The following AFF2 variants were observed in gnomAD, a reference collection of about 807,000 sequenced individuals.
AFF2 encodes AF4/FMR2 family member 2.
Under a neutral mutation model 76.9 loss-of-function variants are expected in AFF2, and 14 were observed. The observed-to-expected ratio is 0.18, with a 90% CI of 0.12 to 0.28. The LOEUF is 0.28. Among genes scored for constraint, AFF2 ranks in the 10% least tolerant of loss-of-function variants. The probability of loss-of-function intolerance (pLI) is 1.00; values close to 1 mark genes in which losing one functional copy is unlikely to be tolerated. For synonymous variants in AFF2, 398 were observed against 366.7 expected (o/e 1.09, Z -0.98); for missense variants, 868 against 1,001.1 (o/e 0.87, Z 1.79).
intron 1 of AFF2, among the ~76,000 whole-genome samples, chrX:148,555,413 G>C (rs144799793): frequency 4.2e-4 from 47 of 112,198 alleles, no homozygotes; most frequent in African/African-American, 1.5e-3. Context: ...GACCATTGCT[G>C]TGCATGAAGA....
chrX:148,879,306 C>T (rs1557278211), intron 7 of AFF2, among the ~76,000 whole-genome samples: 1 of 111,373 alleles, frequency 9.0e-6, no homozygotes, highest in East Asian at 2.8e-4. Flanking sequence ...GTAAATTAAG[C>T]TCAAGTTCTC....
intron 8 of AFF2, among the ~76,000 whole-genome samples, chrX:148,902,608 A>T (rs2071366036): frequency 8.9e-6 from 1 of 112,223 alleles, no homozygotes; most frequent in African/African-American, 3.2e-5. Flanking sequence ...GAGAATCTGC[A>T]GGATGAGTGA....
At chrX:148,843,794 G>A (rs1304036647) in intron 7 of AFF2, among the ~76,000 whole-genome samples, 1 of 110,951 alleles carries the variant, frequency 9.0e-6, no homozygotes, top group African/African-American at 3.3e-5. Flanking sequence ...TAGAAGGGGT[G>A]AGGGGTCTCT....
intron 1 of AFF2, among the ~76,000 whole-genome samples, chrX:148,560,759 A>G: frequency 8.9e-6 from 1 of 112,337 alleles, no homozygotes; most frequent in Admixed American, 9.4e-5. Context: ...AGCCTGAGGC[A>G]AAAGGAAAAA....
chrX:148,525,437 A>G (rs192918432), intron 1 of AFF2, among the ~76,000 whole-genome samples: 88 of 112,075 alleles, frequency 7.9e-4, no homozygotes, highest in African/African-American at 2.7e-3. Flanking sequence ...TGATAATCTC[A>G]GCCCAGTGAA....
chrX:148,639,503 G>T (rs2054066199), intron 1 of AFF2, among the ~76,000 whole-genome samples: 1 of 112,025 alleles, frequency 8.9e-6, no homozygotes, highest in Non-Finnish European at 1.9e-5. Context: ...CAAGCAATTG[G>T]TGCACACATA....
chrX:148,835,528 A>G (rs1169728525), intron 4 of AFF2, among the ~76,000 whole-genome samples: 1 of 93,089 alleles, frequency 1.1e-5, no homozygotes, highest in African/African-American at 4.5e-5. Flanking sequence ...CTCTGTCACC[A>G]GGATGGAGTG....
At chrX:148,804,137 C>G (rs1244691184) in intron 3 of AFF2, among the ~76,000 whole-genome samples, 3 of 111,720 alleles carry the variant, frequency 2.7e-5, no homozygotes, top group African/African-American at 9.8e-5. Flanking sequence ...ACATGCACCC[C>G]CTACTAGGCT....
At chrX:148,903,799 A>G (rs2071379964) in intron 8 of AFF2, among the ~76,000 whole-genome samples, 1 of 111,385 alleles carries the variant, frequency 9.0e-6, no homozygotes, top group African/African-American at 3.3e-5. Context: ...TCCCTACCAC[A>G]AATCTAAAAA....
chrX:148,630,257 G>T (rs1360215894), intron 1 of AFF2, among the ~76,000 whole-genome samples: 2 of 111,581 alleles, frequency 1.8e-5, no homozygotes, highest in African/African-American at 6.5e-5. Context: ...CATTTCCCAG[G>T]GGGCATTAAA....
chrX:148,836,225 C>T (rs782346657), intron 4 of AFF2, among the ~76,000 whole-genome samples: 1 of 112,193 alleles, frequency 8.9e-6, no homozygotes, highest in Non-Finnish European at 1.9e-5. Context: ...ATTGTGTATG[C>T]ATTTTTAATG....
At chrX:148,785,900 G>A (rs782126395) in intron 3 of AFF2, among the ~76,000 whole-genome samples, 131 of 111,723 alleles carry the variant, frequency 1.2e-3, no homozygotes, top group African/African-American at 4.0e-3. Context: ...CCTCATACAG[G>A]TAGAAGCAAT....
At chrX:148,834,641 T>G in intron 4 of AFF2, among the ~76,000 whole-genome samples, 1 of 111,148 alleles carries the variant, frequency 9.0e-6, no homozygotes, top group Middle Eastern at 4.6e-3. Context: ...GGCAACATTT[T>G]GGGAGCAGGG....
chrX:148,543,118 G>A (rs1557237723), intron 1 of AFF2, among the ~76,000 whole-genome samples: 3 of 111,392 alleles, frequency 2.7e-5, no homozygotes, highest in Non-Finnish European at 5.7e-5. Flanking sequence ...TATTCAAAAG[G>A]GGGTCCATGG....
chrX:148,973,325 C>A lies in AFF2; in HGVS notation c.3268-146C>A, dbSNP rs1288555916. On this transcript the variant is annotated intron_variant, in intron 15 of 20. Transcript: ENST00000370460. ...CTGTTCACCAGATGCCCCCTCTCCC[C>A]AGGGGTGACAACTGAAAGTGTCTCC... 19 of 706,869 alleles carry A rather than the reference C, an allele frequency of 2.7e-5. 2 individuals are homozygous for A. The highest frequency in any genetic ancestry group is 9.3e-4 in the Middle Eastern group (2 of 2,153). 58.3% of individuals were successfully genotyped at this position (706,869 alleles called of 1,213,427 possible). A position where few individuals can be genotyped will look rare whatever the true frequency, so the allele number is the denominator to read the frequency against.
intron 9 of AFF2, among the ~76,000 whole-genome samples, chrX:148,916,310 T>C (rs1048479878): frequency 1.2e-4 from 12 of 96,538 alleles, no homozygotes; most frequent in East Asian, 7.2e-4. Context: ...CCCGGGTTCA[T>C]GCCATTCTCC....
chrX:148,699,689 G>A (rs1557261646), intron 3 of AFF2, among the ~76,000 whole-genome samples: 1 of 111,471 alleles, frequency 9.0e-6, no homozygotes, highest in Non-Finnish European at 1.9e-5. Flanking sequence ...TAAAGCCACA[G>A]TTGGTCCTTA....
chrX:148,767,028 A>G (rs1181289950), intron 3 of AFF2, among the ~76,000 whole-genome samples: 2 of 111,307 alleles, frequency 1.8e-5, no homozygotes, highest in African/African-American at 6.5e-5. Context: ...ATTTCATTTT[A>G]GGGACCACAG....
chrX:148,885,470 G>C (rs1164429522), intron 7 of AFF2, among the ~76,000 whole-genome samples: 2 of 111,390 alleles, frequency 1.8e-5, no homozygotes, highest in African/African-American at 6.5e-5. Flanking sequence ...AGCAGGCTTT[G>C]ACAACAGCCT....
Sources: gnomAD v4.1 joint callset for allele counts (sites outside exome capture counted in the v4.1 genomes callset) on GRCh38, gnomAD v4.1.1 for gene constraint, MANE v1.5 for transcripts, NCBI Gene and HGNC (gene_info 2026-07-23, HGNC 2026-07-21) for gene names.